The following PHF24 variants were observed in gnomAD, a reference collection of about 807,000 sequenced individuals.
PHF24 encodes the protein PHD finger protein 24.
PHF24 carries 25 observed loss-of-function variants against 42.6 expected under a neutral mutation model. That is an observed-to-expected ratio of 0.59 (90% CI 0.43 to 0.82). PHF24 has a LOEUF of 0.82. Among genes scored for constraint, PHF24 ranks in the 40% least tolerant of loss-of-function variants. The probability of loss-of-function intolerance (pLI) is 0.00; values close to 1 mark genes in which losing one functional copy is unlikely to be tolerated. For synonymous variants in PHF24, 185 were observed against 204.8 expected (o/e 0.90, Z 0.83); for missense variants, 470 against 538.1 (o/e 0.87, Z 1.25).
the PHF24 span, among the ~76,000 whole-genome samples, chr9:34,695,696 C>A: frequency 6.6e-6 from 1 of 152,194 alleles, no homozygotes; most frequent in African/African-American, 2.4e-5. Context: ...CACTGAGGAA[C>A]TGTCTGCCAG....
chr9:34,718,329 C>T, the PHF24 span, among the ~76,000 whole-genome samples: 273 of 152,190 alleles, frequency 1.8e-3, 2 homozygotes, highest in Non-Finnish European at 3.3e-3. Flanking sequence ...TTCCCAGGCC[C>T]CCCTCTCCCT....
At chr9:34,936,291 C>T in the PHF24 span, among the ~76,000 whole-genome samples, 37 of 152,232 alleles carry the variant, frequency 2.4e-4, no homozygotes, top group Non-Finnish European at 5.9e-5. Flanking sequence ...GGCTGGTCTC[C>T]AGCTCCTAAC....
chr9:34,847,085 T>C, the PHF24 span, among the ~76,000 whole-genome samples: 1 of 152,222 alleles, frequency 6.6e-6, no homozygotes, highest in Non-Finnish European at 1.5e-5. Context: ...TGATGTGGGC[T>C]CTTTTTTGGT....
chr9:34,809,998 G>GCGCCGCCGCCGCCCACGCGCCGC, the PHF24 span, among the ~76,000 whole-genome samples: 3 of 149,584 alleles, frequency 2.0e-5, no homozygotes, highest in African/African-American at 7.4e-5. The surrounding 1 kb of genome is among the most constrained non-coding windows in gnomAD (Gnocchi z 4.1). Flanking sequence ...GTGGGCGCAC[G>GCGCCGCCGCCGCCCACGCGCCGC]CGCCGCCGCC....
the PHF24 span, chr9:34,689,545 G>A: frequency 2.5e-6 from 1 of 394,240 alleles, no homozygotes. The surrounding 1 kb of genome is among the most constrained non-coding windows in gnomAD (Gnocchi z 4.1). Context: ...AAAGAACAAA[G>A]AAATCTGTAA....
chr9:34,788,106 T>C, the PHF24 span, among the ~76,000 whole-genome samples: 2 of 152,276 alleles, frequency 1.3e-5, no homozygotes, highest in Non-Finnish European at 2.9e-5. Context: ...GGTGTGATCA[T>C]GGCTCACTGC....
chr9:34,953,287 A>G (rs767059881), upstream of PHF24, among the ~76,000 whole-genome samples: 43 of 152,312 alleles, frequency 2.8e-4, no homozygotes, highest in South Asian at 2.9e-3. This position sits in a 1 kb window ranked among gnomAD's most constrained non-coding sequence, Gnocchi z 4.1. Context: ...GTAGCTAGGC[A>G]TGTGCCACTA....
chr9:34,841,319 A>G, the PHF24 span, among the ~76,000 whole-genome samples: 6 of 152,176 alleles, frequency 3.9e-5, no homozygotes, highest in South Asian at 8.3e-4. Context: ...ACTTCTAAAA[A>G]ATGTTTTAAG....
chr9:34,701,562 G>A, the PHF24 span, among the ~76,000 whole-genome samples: 1 of 152,108 alleles, frequency 6.6e-6, no homozygotes, highest in Admixed American at 6.5e-5. The surrounding 1 kb of genome is among the most constrained non-coding windows in gnomAD (Gnocchi z 5.8). Context: ...TGCGGTGAGC[G>A]GGCGTCCGAA....
the PHF24 span, among the ~76,000 whole-genome samples, chr9:34,764,064 G>A: frequency 4.0e-3 from 610 of 152,154 alleles, 6 homozygotes; most frequent in African/African-American, 0.014. Flanking sequence ...GATCATGGTG[G>A]ATAAGCTTTT....
the PHF24 span, among the ~76,000 whole-genome samples, chr9:34,699,019 T>G: frequency 1.3e-5 from 2 of 152,260 alleles, no homozygotes; most frequent in Non-Finnish European, 2.9e-5. Flanking sequence ...GGGGCCCTGG[T>G]CTAAAACTCA....
the PHF24 span, among the ~76,000 whole-genome samples, chr9:34,767,159 AC>A: frequency 6.6e-6 from 1 of 152,094 alleles, no homozygotes; most frequent in Non-Finnish European, 1.5e-5. Context: ...GGGGTCAGGG[AC>A]CCACTTGAGG....
chr9:34,746,116 A>G, the PHF24 span, among the ~76,000 whole-genome samples: 3 of 152,206 alleles, frequency 2.0e-5, no homozygotes, highest in Non-Finnish European at 2.9e-5. Flanking sequence ...GTTAAAGGGA[A>G]CAAAACTTGG....
At chr9:34,935,743 G>GT in the PHF24 span, among the ~76,000 whole-genome samples, 15 of 150,906 alleles carry the variant, frequency 9.9e-5, no homozygotes, top group East Asian at 9.7e-4. Context: ...TGTGGGGGGG[G>GT]GGTGTGTGTG....
chr9:34,709,656 G>T, the PHF24 span: 2 of 1,614,114 alleles, frequency 1.2e-6, no homozygotes, highest in Admixed American at 1.7e-5. Flanking sequence ...ACATAGCTCT[G>T]CCTGAGAGCG....
chr9:34,947,288 C>T, the PHF24 span, among the ~76,000 whole-genome samples: 1 of 152,156 alleles, frequency 6.6e-6, no homozygotes, highest in South Asian at 2.1e-4. Context: ...CAAAAATGGT[C>T]CCATAAAATT....
chr9:34,955,263 C>G (rs562521020), upstream of PHF24, among the ~76,000 whole-genome samples: 6 of 151,672 alleles, frequency 4.0e-5, 1 homozygote, highest in South Asian at 8.3e-4. Context: ...TCATAAATAT[C>G]TGAACTCAGA....
the PHF24 span, among the ~76,000 whole-genome samples, chr9:34,744,914 T>C: frequency 2.6e-5 from 4 of 152,126 alleles, no homozygotes; most frequent in Admixed American, 2.6e-4. Context: ...TCATTAATCA[T>C]CTGCTCCACC....
the PHF24 span, chr9:34,725,062 T>C: frequency 1.3e-6 from 2 of 1,551,922 alleles, no homozygotes; most frequent in Non-Finnish European, 1.7e-6. Context: ...GGTCACTTGC[T>C]GTCTGCAGTT....
Sources: gnomAD v4.1 joint callset for allele counts (sites outside exome capture counted in the v4.1 genomes callset) on GRCh38, gnomAD v4.1.1 for gene constraint, Gnocchi (gnomAD v3.1) non-coding constraint, MANE v1.5 for transcripts, NCBI Gene and HGNC (gene_info 2026-07-23, HGNC 2026-07-21) for gene names.